MYO7A: variants seen among roughly 807,000 people sequenced by gnomAD.
The protein encoded by MYO7A is unconventional myosin-VIIa.
In MYO7A, 210 loss-of-function variants were observed where a neutral mutation model predicts 263.8. The ratio of observed to expected loss-of-function variants is 0.80; its 90% CI spans 0.71 to 0.89. The LOEUF is 0.89. Ranked by LOEUF, MYO7A falls within the 40% of genes least tolerant of loss-of-function variation. The pLI, the probability that MYO7A is intolerant of heterozygous loss-of-function variation, is 0.00. For missense variants in MYO7A, 2,820 were observed against 2,968.3 expected (o/e 0.95, Z 1.16); for synonymous variants, 1,239 against 1,197.3 (o/e 1.03, Z -0.72).
chr11:77,140,082 A>G (rs552170263), intron 2 of MYO7A, among the ~76,000 whole-genome samples: 1 of 152,240 alleles, frequency 6.6e-6, no homozygotes, highest in South Asian at 2.1e-4. Flanking sequence ...TGGCCCCAAG[A>G]GCTTCACTCA....
intron 39 of MYO7A, 40 bp downstream of exon 39, chr11:77,204,269 C>T (rs998295288): frequency 1.9e-6 from 3 of 1,549,794 alleles, no homozygotes; most frequent in South Asian, 1.2e-5. Flanking sequence ...GCAGACCTCA[C>T]CTGCTGTGAC....
chr11:77,139,531 A>G (rs567048950), intron 2 of MYO7A: 175 of 144,762 alleles, frequency 1.2e-3, no homozygotes, highest in African/African-American at 4.2e-3. Context: ...GTCACGGAAC[A>G]TGGTGTAGGA....
intron 4 of MYO7A, 25 bp downstream of exon 4, chr11:77,147,975 C>A: frequency 6.6e-7 from 1 of 1,515,612 alleles, no homozygotes; most frequent in Non-Finnish European, 8.9e-7. Flanking sequence ...GCCCGGTGCC[C>A]GTCCAGGCCC....
At position 77,214,704 on chromosome 11, in the gene MYO7A, C is replaced by G. The variant is rs370206645; in HGVS notation, c.*8C>G. ...TCCAGGAGCGGCAAGTGAACAGTCACGGGGAGGTGCTGGTTCCATGCCTGC... is the reference window on the plus strand; with the variant it reads ...TCCAGGAGCGGCAAGTGAACAGTCAGGGGGAGGTGCTGGTTCCATGCCTGC... On this transcript the variant is annotated 3_prime_UTR_variant, in exon 49 of 49. Coordinates refer to ENST00000409709, the MANE Select transcript of MYO7A (RefSeq NM_000260.4). 1 of 1,558,902 alleles carries G rather than the reference C, an allele frequency of 6.4e-7. No homozygotes were observed. The highest frequency in any genetic ancestry group is 8.7e-7 in the Non-Finnish European group (1 of 1,150,200).
At chr11:77,194,917 C>T (rs947001851) in intron 32 of MYO7A, among the ~76,000 whole-genome samples, 2 of 152,152 alleles carry the variant, frequency 1.3e-5, no homozygotes, top group Admixed American at 1.3e-4. Context: ...TAGGGACAGG[C>T]CCCCTTGACC....
chr11:77,158,198 T>C lies in MYO7A; in HGVS notation c.850-79T>C. ...GGCCTGTCAGGCAGAAAGGGCCTTTTGGGCAGGCAGCCAGGCACTGCCCCT... is the reference window on the plus strand; with the variant it reads ...GGCCTGTCAGGCAGAAAGGGCCTTTCGGGCAGGCAGCCAGGCACTGCCCCT... On this transcript the variant is annotated intron_variant, in intron 8 of 48. Coordinates refer to ENST00000409709, the MANE Select transcript of MYO7A (RefSeq NM_000260.4). 3 of 1,435,878 alleles carry C rather than the reference T, an allele frequency of 2.1e-6. No individual in the cohort carries two copies. The South Asian group carries it at 4.6e-5, about 22-fold the overall frequency. 88.9% of individuals were successfully genotyped at this position (1,435,878 alleles called of 1,614,324 possible).
intron 15 of MYO7A, among the ~76,000 whole-genome samples, chr11:77,169,387 A>G (rs1183312684): frequency 2.0e-5 from 3 of 152,240 alleles, no homozygotes; most frequent in Admixed American, 6.5e-5. Context: ...AAGCCCAGTC[A>G]TATGTCCTGG....
rs1019634051 is a variant in MYO7A at position 77,181,967 on chromosome 11, G to A, written c.2921G>A (p.Arg974Gln). The change falls in exon 24 of 49, where the codon CGG (arginine) becomes CAG (glutamine). Residue 974 changes from arginine to glutamine, a missense_variant. Transcript: ENST00000409709. ...PSGFEDLERGRREMVEEDLDA... is the reference protein window; with the variant it reads ...PSGFEDLERGQREMVEEDLDA... ...CTCCTTCAGGACCTGGAGCGAGGGC[G>A]GAGGGAGATGGTGGAGGAGGACCTG... 6.2e-6 allele frequency: 10 copies of A among 1,613,034 alleles called. No homozygotes were observed. The East Asian group carries it at 6.7e-5, about 11-fold the overall frequency.
rs1039729309 is a variant in MYO7A at position 77,190,777 on chromosome 11, A to G, written c.3831A>G (p.Ala1277=). The G allele has an allele frequency of 3.1e-6, 5 of 1,596,862 alleles. No homozygotes were observed. Among genetic ancestry groups the G allele is most frequent in the Admixed American group, 1.7e-5 (1 of 57,700 alleles). ...GTTKTLLTDS[A]TTAKELCNAL... ...CCAAGACCCTGCTGACGGACTCGGC[A>G]ACCACGGCCAAGGAGCTCTGCAACG... Residue 1277 remains alanine (A), a synonymous_variant, in exon 30 of 49, where the codon GCA becomes GCG. Transcript: ENST00000409709.
At chr11:77,164,062 C>A (rs782251576) in intron 14 of MYO7A, among the ~76,000 whole-genome samples, 1 of 152,180 alleles carries the variant, frequency 6.6e-6, no homozygotes, top group Non-Finnish European at 1.5e-5. Flanking sequence ...CCAGTTACCC[C>A]CTAAGACTCT....
chr11:77,162,800 A>G, intron 13 of MYO7A, 53 bp from the exon 14 acceptor site: 1 of 1,588,524 alleles, frequency 6.3e-7, no homozygotes, highest in Non-Finnish European at 8.6e-7. Context: ...CAGGGAGGGG[A>G]GTGGGGCCCA....
chr11:77,208,424 C>T lies in MYO7A; in HGVS notation c.5857-6C>T, dbSNP rs554375529. On this transcript the variant is annotated splice_region_variant and splice_polypyrimidine_tract_variant and intron_variant, in intron 42 of 48. Transcript: ENST00000409709. ...ACTGAGTGTGCTTCGATGGCCCTGA[C>T]CCCAGGTCCTCAGCGTTCCTGAGAA... The T allele has an allele frequency of 2.7e-5, 43 of 1,608,010 alleles. No individual in the cohort carries two copies. The South Asian group carries it at 4.1e-4, about 15-fold the overall frequency.
chr11:77,199,644 T>C lies in MYO7A; in HGVS notation c.4678T>C (p.Cys1560Arg). ...GGGGCCCTGTTCTCCGTGTTGGTCC[T>C]GCAGGGGAGCGAAAACGACGGCCCC... ...PAGPCSPCWS[C>R]RGAKTTAPSF... Residue 1560 changes from cysteine (C) to arginine (R), a missense_variant, in exon 35 of 49, where the codon TGC (cysteine) becomes CGC (arginine). Transcript: ENST00000409709. The C allele has an allele frequency of 1.2e-6, 2 of 1,612,044 alleles. No individual in the cohort carries two copies. The highest frequency in any genetic ancestry group is 1.7e-6 in the Non-Finnish European group (2 of 1,179,466).
At chr11:77,157,464 T>C in intron 8 of MYO7A, 72 bp downstream of exon 8, 1 of 1,078,904 alleles carries the variant, frequency 9.3e-7, no homozygotes, top group Non-Finnish European at 1.4e-6. Context: ...TACTGCAGAC[T>C]CAGCCTTGAG....
chr11:77,184,805 G>C, intron 27 of MYO7A, 90 bp downstream of exon 27: 2 of 1,555,646 alleles, frequency 1.3e-6, no homozygotes, highest in South Asian at 1.2e-5. Flanking sequence ...ATTAAGCCAA[G>C]CAGGCCTGGG....
At position 77,162,795 on chromosome 11, in the gene MYO7A, AGGGGAGT is replaced by A; in HGVS notation, c.1555-53_1555-47del. On this transcript the variant is annotated intron_variant, in intron 13 of 48. Coordinates refer to ENST00000409709, the MANE Select transcript of MYO7A (RefSeq NM_000260.4). ...ACAGGGGGCAAAGACATGGGCAGGG[AGGGGAGT>A]GGGGCCCATGGAGGAGAGGGTGGGC... 1.4e-5 allele frequency: 22 copies of A among 1,582,166 alleles called. 1 individual carries two copies. The South Asian group carries it at 2.3e-4, about 17-fold the overall frequency.
rs115238711 is a variant in MYO7A, at chr11:77,215,138, T to C, written c.*442T>C. The C allele has an allele frequency of 7.9e-3, 1,379 of 173,560 alleles. 25 individuals carry two copies. The highest frequency in any genetic ancestry group is 0.03 in the African/African-American group (1,249 of 42,216). The allele number at this position is 173,560 out of a possible 1,614,324, so 10.8% of individuals were successfully genotyped here. A position where few individuals can be genotyped will look rare whatever the true frequency, so the allele number is the denominator to read the frequency against. On this transcript the variant is annotated 3_prime_UTR_variant, in exon 49 of 49. Coordinates refer to ENST00000409709, the MANE Select transcript of MYO7A (RefSeq NM_000260.4). ...GAAGGGACTGGATCTGCAGGTGGGA[T>C]GAGGGAGACAGACCACTTTTCTATA...
rs1952435051 is a variant in MYO7A, at chr11:77,156,084, A to G, written c.463A>G (p.Ile155Val). 6.2e-7 allele frequency: 1 copy of G among 1,613,828 alleles called. No individual in the cohort carries two copies. Among genetic ancestry groups the G allele is most frequent in the East Asian group, 2.2e-5 (1 of 44,882 alleles). Reference sequence around the variant, plus strand: ...ACGCAACAGCCGAGACCAGTGCTGCATCATCAGGTGGGCGGCCCAGCACCT... The same window carrying G: ...ACGCAACAGCCGAGACCAGTGCTGCGTCATCAGGTGGGCGGCCCAGCACCT... ...MKRNSRDQCC[I>V]ISGESGAGKT... is the part of the protein sequence containing the mutation. The change falls in exon 5 of 49, where the codon ATC becomes GTC. Residue 155 changes from isoleucine (I) to valine (V), a missense_variant. Ile to Val is a conservative substitution (Grantham distance 29). Transcript: ENST00000409709.
intron 34 of MYO7A, 122 bp downstream of exon 34, chr11:77,198,743 A>C: frequency 2.1e-6 from 3 of 1,452,342 alleles, no homozygotes; most frequent in Non-Finnish European, 2.8e-6. Flanking sequence ...GTGATTGGGC[A>C]GTTTGTGCCG....
Sources: allele counts gnomAD v4.1 joint callset (sites outside exome capture counted in the v4.1 genomes callset), GRCh38; gene constraint gnomAD v4.1.1; transcripts MANE v1.5; gene names NCBI Gene and HGNC (gene_info 2026-07-23, HGNC 2026-07-21).